The following TRPM3 variants were observed in gnomAD, a reference collection of about 807,000 sequenced individuals.
The protein encoded by TRPM3 is transient receptor potential cation channel subfamily M member 3, also known as long transient receptor potential channel 3.
A neutral mutation model predicts 181.2 loss-of-function variants in TRPM3; 77 were observed. That is an observed-to-expected ratio of 0.42 (90% CI 0.35 to 0.51). The LOEUF is 0.51. Ranked by LOEUF, TRPM3 falls within the 20% of genes least tolerant of loss-of-function variation. The pLI is 0.01. For missense variants in TRPM3, 1,759 were observed against 2,196.7 expected (o/e 0.80, Z 3.98); for synonymous variants, 745 against 796.4 (o/e 0.94, Z 1.09).
intron 1 of TRPM3, among the ~76,000 whole-genome samples, chr9:71,430,237 T>A (rs1212039076): frequency 6.6e-6 from 1 of 152,172 alleles, no homozygotes; most frequent in African/African-American, 2.4e-5. Context: ...ATAACACATA[T>A]GAAATATTAA....
chr9:70,820,700 T>C (rs1047776603), intron 6 of TRPM3, among the ~76,000 whole-genome samples: 3 of 152,108 alleles, frequency 2.0e-5, no homozygotes, highest in Non-Finnish European at 2.9e-5. Flanking sequence ...CATGACAGAA[T>C]CATATCTCGA....
At chr9:70,575,308 G>A (rs573560340) in intron 22 of TRPM3, among the ~76,000 whole-genome samples, 11 of 152,070 alleles carry the variant, frequency 7.2e-5, no homozygotes, top group Admixed American at 2.0e-4. Flanking sequence ...AAGAAACAAC[G>A]GCTTTGCAAA....
chr9:70,859,256 G>A (rs2095465735), intron 3 of TRPM3, among the ~76,000 whole-genome samples: 1 of 152,128 alleles, frequency 6.6e-6, no homozygotes, highest in South Asian at 2.1e-4. Context: ...ACAACTCTAA[G>A]TTCCACAGAG....
chr9:71,148,587 T>C (rs1462457328), intron 1 of TRPM3, among the ~76,000 whole-genome samples: 1 of 152,132 alleles, frequency 6.6e-6, no homozygotes, highest in Non-Finnish European at 1.5e-5. Flanking sequence ...CTGGAAAATC[T>C]TAGGAAAAAC....
intron 1 of TRPM3, among the ~76,000 whole-genome samples, chr9:71,025,885 T>C (rs796919732): frequency 6.6e-6 from 1 of 152,038 alleles, no homozygotes; most frequent in African/African-American, 2.4e-5. Flanking sequence ...AGGGAAGACA[T>C]AGATGCTGGG....
intron 1 of TRPM3, among the ~76,000 whole-genome samples, chr9:71,322,121 C>T (rs1565460317): frequency 6.6e-6 from 1 of 152,098 alleles, no homozygotes; most frequent in Non-Finnish European, 1.5e-5. Flanking sequence ...GTTGTATAGA[C>T]AACTTGGATT....
At chr9:71,202,893 C>A (rs2078893741) in intron 1 of TRPM3, among the ~76,000 whole-genome samples, 1 of 152,184 alleles carries the variant, frequency 6.6e-6, no homozygotes, top group African/African-American at 2.4e-5. Flanking sequence ...TCTGCTCTCT[C>A]ATGGGTATTA....
rs2060443584 is a variant in TRPM3, at chr9:70,603,411, G to A, written c.2727C>T (p.Arg909=). The stretch of plus-strand genomic sequence containing the variant: ...CGATCCATTCCTGGGTGGACGGCCA[G>A]CGTTCCATCTTCACTAACACGATAT... ...FNYIVLVKME[R]WPSTQEWIVI... The change falls in exon 20 of 26, where the codon CGC becomes CGT. Residue 909 remains arginine (R), a synonymous_variant. Coordinates refer to ENST00000677713, the MANE Select transcript of TRPM3 (RefSeq NM_001366145.2). 6.2e-7 allele frequency: 1 copy of A among 1,613,994 alleles called. No homozygotes were observed. The highest frequency in any genetic ancestry group is 8.5e-7 in the Non-Finnish European group (1 of 1,180,018).
At chr9:71,306,913 G>A (rs1242990273) in intron 1 of TRPM3, among the ~76,000 whole-genome samples, 2 of 152,154 alleles carry the variant, frequency 1.3e-5, no homozygotes, top group Non-Finnish European at 2.9e-5. Flanking sequence ...ATCTGGTTAA[G>A]GATAACTCCA....
At chr9:71,068,923 G>C (rs952303416) in intron 1 of TRPM3, among the ~76,000 whole-genome samples, 3 of 152,164 alleles carry the variant, frequency 2.0e-5, no homozygotes, top group African/African-American at 4.8e-5. Context: ...CAATCTATCA[G>C]ATCTTGAAAG....
intron 12 of TRPM3, among the ~76,000 whole-genome samples, chr9:70,631,446 T>A (rs1238912768): frequency 6.6e-6 from 1 of 151,134 alleles, no homozygotes; most frequent in Admixed American, 6.6e-5. Flanking sequence ...ATTTCACCAC[T>A]ACTTCCACAT....
intron 1 of TRPM3, among the ~76,000 whole-genome samples, chr9:70,867,923 T>C (rs1045558754): frequency 6.6e-6 from 1 of 152,058 alleles, no homozygotes; most frequent in African/African-American, 2.4e-5. Context: ...TATATGAAGC[T>C]TTATATTTTG....
intron 1 of TRPM3, among the ~76,000 whole-genome samples, chr9:71,302,879 T>A (rs1227567747): frequency 6.6e-6 from 1 of 150,420 alleles, no homozygotes; most frequent in Non-Finnish European, 1.5e-5. Flanking sequence ...AAGGGAGAAG[T>A]CAAGAATTAA....
intron 7 of TRPM3, among the ~76,000 whole-genome samples, chr9:70,772,520 G>A (rs11142585): frequency 0.22 from 33,077 of 151,730 alleles, 4,402 homozygotes; most frequent in Non-Finnish European, 0.3. Flanking sequence ...ACAGGGTTTC[G>A]CCATGTTGCC....
At chr9:70,549,911 A>G (rs998401675) in intron 24 of TRPM3, among the ~76,000 whole-genome samples, 2 of 152,190 alleles carry the variant, frequency 1.3e-5, no homozygotes, top group African/African-American at 4.8e-5. Context: ...GGTTTACTGC[A>G]GGAGCTGAGT....
At chr9:70,754,815 C>A (rs1240408325) in intron 8 of TRPM3, among the ~76,000 whole-genome samples, 2 of 152,130 alleles carry the variant, frequency 1.3e-5, no homozygotes, top group African/African-American at 4.8e-5. Context: ...CGATGCAATG[C>A]CTCCTTGTTT....
chr9:71,222,966 TA>T (rs1219636470), intron 1 of TRPM3, among the ~76,000 whole-genome samples: 1 of 152,002 alleles, frequency 6.6e-6, no homozygotes, highest in African/African-American at 2.4e-5. Context: ...AAAGGCAGAC[TA>T]GGCCACAAAG....
chr9:71,290,103 C>A (rs958859516), intron 1 of TRPM3, among the ~76,000 whole-genome samples: 1 of 151,772 alleles, frequency 6.6e-6, no homozygotes, highest in Non-Finnish European at 1.5e-5. Context: ...AGCTCAGAGG[C>A]TGGAGAACAG....
chr9:71,000,385 A>T (rs546527958), intron 1 of TRPM3, among the ~76,000 whole-genome samples: 1 of 152,326 alleles, frequency 6.6e-6, no homozygotes, highest in South Asian at 2.1e-4. Context: ...TTGGAAATAA[A>T]ATAAAGTGCT....
Sources: allele counts gnomAD v4.1 joint callset (sites outside exome capture counted in the v4.1 genomes callset), GRCh38; gene constraint gnomAD v4.1.1; transcripts MANE v1.5; gene names NCBI Gene and HGNC (gene_info 2026-07-23, HGNC 2026-07-21).